Variants in ZNF804B observed in about 807,000 individuals in gnomAD.
The protein encoded by ZNF804B is zinc finger protein 804B, also known as zinc finger 804B.
ZNF804B carries 80 observed loss-of-function variants against 101.4 expected under a neutral mutation model. That is an observed-to-expected ratio of 0.79 (90% CI 0.66 to 0.95). ZNF804B has a LOEUF of 0.95. Among genes scored for constraint, ZNF804B ranks in the 40% least tolerant of loss-of-function variants. The pLI is 0.00. For missense variants in ZNF804B, 1,673 were observed against 1,561.9 expected (o/e 1.07, Z -1.20); for synonymous variants, 622 against 558.8 (o/e 1.11, Z -1.59).
rs144457937 is a variant in ZNF804B at position 89,336,446 on chromosome 7, T to C, written c.3464T>C (p.Ile1155Thr). The C allele has an allele frequency of 2.5e-6, 4 of 1,613,850 alleles. No individual in the cohort carries two copies. Among genetic ancestry groups the C allele is most frequent in the African/African-American group, 2.7e-5 (2 of 74,848 alleles). Residue 1155 changes from isoleucine to threonine, a missense_variant, in exon 4 of 4, where the codon ATA (isoleucine) becomes ACA (threonine). By Grantham distance (89) the Ile-to-Thr change is moderately conservative. Transcript: ENST00000333190. ...CCCATAACATTTTCTCCTGACGAAA[T>C]AGATAAATATAAGATCCTACAGCTA... ...QQPITFSPDE[I>T]DKYKILQLQA...
chr7:89,142,876 G>A (rs538659215), intron 1 of ZNF804B, among the ~76,000 whole-genome samples: 9 of 152,120 alleles, frequency 5.9e-5, no homozygotes, highest in African/African-American at 1.7e-4. Flanking sequence ...CTCAGTTTTT[G>A]TGATAGTGAA....
intron 1 of ZNF804B, among the ~76,000 whole-genome samples, chr7:88,855,564 C>T (rs1443807674): frequency 6.6e-6 from 1 of 152,110 alleles, no homozygotes; most frequent in Non-Finnish European, 1.5e-5. Flanking sequence ...TGCCTGTTCA[C>T]TCTGATGGTA....
chr7:88,987,684 T>A (rs1422036200), intron 1 of ZNF804B, among the ~76,000 whole-genome samples: 2 of 152,108 alleles, frequency 1.3e-5, no homozygotes, highest in Non-Finnish European at 2.9e-5. Context: ...GATACAAGCA[T>A]ACAATGTGTA....
At chr7:89,156,263 G>C (rs1011558880) in intron 1 of ZNF804B, among the ~76,000 whole-genome samples, 1 of 151,842 alleles carries the variant, frequency 6.6e-6, no homozygotes, top group African/African-American at 2.4e-5. Flanking sequence ...ACAGCCATGA[G>C]CCATCACACC....
chr7:88,936,267 C>G (rs112838459), intron 1 of ZNF804B, among the ~76,000 whole-genome samples: 5,771 of 152,110 alleles, frequency 0.038, 133 homozygotes, highest in African/African-American at 0.063. Flanking sequence ...CTAGTGATTC[C>G]TAATTTAAAG....
chr7:88,802,987 T>C (rs1790613478), intron 1 of ZNF804B, among the ~76,000 whole-genome samples: 1 of 152,092 alleles, frequency 6.6e-6, no homozygotes, highest in South Asian at 2.1e-4. Context: ...TTTTAAAATG[T>C]TTTTTTGAAA....
intron 1 of ZNF804B, among the ~76,000 whole-genome samples, chr7:89,196,401 G>C (rs1313827626): frequency 1.3e-5 from 2 of 152,082 alleles, no homozygotes; most frequent in African/African-American, 4.8e-5. Context: ...TTAATAAATG[G>C]TGCTGGGAAA....
At chr7:88,802,968 T>G (rs1414089089) in intron 1 of ZNF804B, among the ~76,000 whole-genome samples, 2 of 152,180 alleles carry the variant, frequency 1.3e-5, no homozygotes, top group Non-Finnish European at 2.9e-5. Flanking sequence ...AGTCTGCAAC[T>G]GTGCATAATT....
At chr7:88,884,700 A>G (rs1381159135) in intron 1 of ZNF804B, among the ~76,000 whole-genome samples, 4 of 151,948 alleles carry the variant, frequency 2.6e-5, no homozygotes, top group Non-Finnish European at 1.5e-5. Flanking sequence ...CTTGCCCAAT[A>G]TCATTTACCT....
intron 1 of ZNF804B, among the ~76,000 whole-genome samples, chr7:88,993,796 A>G (rs1793882363): frequency 6.6e-6 from 1 of 152,022 alleles, no homozygotes; most frequent in African/African-American, 2.4e-5. Flanking sequence ...TTTATTTAAA[A>G]TATTTATTTG....
At chr7:89,283,311 A>G (rs1333824226) in intron 2 of ZNF804B, among the ~76,000 whole-genome samples, 1 of 152,232 alleles carries the variant, frequency 6.6e-6, no homozygotes, top group Non-Finnish European at 1.5e-5. Flanking sequence ...AAAAGAGATG[A>G]AAGTTTTGTA....
intron 1 of ZNF804B, among the ~76,000 whole-genome samples, chr7:89,199,199 C>T (rs1788596512): frequency 6.6e-6 from 1 of 151,722 alleles, no homozygotes; most frequent in Non-Finnish European, 1.5e-5. Flanking sequence ...GCTTTGTGGG[C>T]CCATTCTTTA....
At chr7:89,214,687 T>G (rs1345247550) in intron 1 of ZNF804B, among the ~76,000 whole-genome samples, 1 of 152,202 alleles carries the variant, frequency 6.6e-6, no homozygotes, top group Non-Finnish European at 1.5e-5. Flanking sequence ...TAACCCTTAA[T>G]AGCAATTTGT....
chr7:89,221,820 A>C (rs754573873), intron 2 of ZNF804B, among the ~76,000 whole-genome samples: 5 of 151,284 alleles, frequency 3.3e-5, no homozygotes, highest in African/African-American at 1.2e-4. Context: ...CTGTCATTCT[A>C]ACTTTCCTGG....
At chr7:89,305,575 A>G (rs1243398227) in intron 2 of ZNF804B, among the ~76,000 whole-genome samples, 1 of 151,984 alleles carries the variant, frequency 6.6e-6, no homozygotes, top group African/African-American at 2.4e-5. Context: ...AAATGACTGC[A>G]TTATAATTTG....
intron 1 of ZNF804B, among the ~76,000 whole-genome samples, chr7:88,804,624 C>A (rs960960346): frequency 2.0e-5 from 3 of 151,856 alleles, no homozygotes; most frequent in African/African-American, 7.3e-5. Flanking sequence ...GACTTAAAAT[C>A]TTTGTGTAAT....
At chr7:89,283,513 G>A (rs1457616771) in intron 2 of ZNF804B, among the ~76,000 whole-genome samples, 1 of 152,134 alleles carries the variant, frequency 6.6e-6, no homozygotes, top group Non-Finnish European at 1.5e-5. Context: ...GGGTGACACA[G>A]CAAGAACCTG....
At chr7:88,767,131 T>C (rs1223977147) in intron 1 of ZNF804B, among the ~76,000 whole-genome samples, 1 of 152,230 alleles carries the variant, frequency 6.6e-6, no homozygotes, top group Non-Finnish European at 1.5e-5. Flanking sequence ...AATGTTGGCA[T>C]ATACTTCTAA....
intron 1 of ZNF804B, among the ~76,000 whole-genome samples, chr7:89,116,833 G>A (rs894945889): frequency 6.6e-6 from 1 of 152,106 alleles, no homozygotes; most frequent in African/African-American, 2.4e-5. Flanking sequence ...GTTGAATAAT[G>A]GCACCAGAGA....
Sources: gnomAD v4.1 joint callset for allele counts (sites outside exome capture counted in the v4.1 genomes callset) on GRCh38, gnomAD v4.1.1 for gene constraint, MANE v1.5 for transcripts, NCBI Gene and HGNC (gene_info 2026-07-23, HGNC 2026-07-21) for gene names.